Variants in TMCO1 observed in about 807,000 individuals in gnomAD.
TMCO1 encodes the protein transmembrane and coiled-coil domains 1, also known as calcium load-activated calcium channel.
In TMCO1, 29 loss-of-function variants were observed where a neutral mutation model predicts 29.3. The ratio of observed to expected loss-of-function variants is 0.99; its 90% CI spans 0.74 to 1.35. The LOEUF (loss-of-function observed/expected upper bound fraction) is 1.35. Among genes scored for constraint, TMCO1 ranks in the 40% most tolerant of loss-of-function variants. The probability of loss-of-function intolerance (pLI) is 0.00; values close to 1 mark genes in which losing one functional copy is unlikely to be tolerated. For synonymous variants in TMCO1, 80 were observed against 77.1 expected (o/e 1.04, Z -0.20); for missense variants, 173 against 225.5 (o/e 0.77, Z 1.49).
At chr1:165,765,235 G>A (rs1652525588) in intron 2 of TMCO1, among the ~76,000 whole-genome samples, 1 of 152,152 alleles carries the variant, frequency 6.6e-6, no homozygotes, top group African/African-American at 2.4e-5. Flanking sequence ...AAATAGAACA[G>A]GGTAAGGAAT....
At chr1:165,766,419 GA>G (rs1420454367) in intron 2 of TMCO1, among the ~76,000 whole-genome samples, 1 of 152,144 alleles carries the variant, frequency 6.6e-6, no homozygotes, top group Non-Finnish European at 1.5e-5. Flanking sequence ...TGAATGTAGA[GA>G]AAAAAACTAA....
intron 5 of TMCO1, 33 bp downstream of exon 5, chr1:165,752,068 GT>G (rs1652012771): frequency 4.0e-6 from 6 of 1,495,274 alleles, no homozygotes; most frequent in Non-Finnish European, 5.6e-6. Context: ...TAGAGTAATA[GT>G]TATTAGTCAA....
intron 2 of TMCO1, among the ~76,000 whole-genome samples, chr1:165,762,909 A>G (rs1652445726): frequency 6.6e-6 from 1 of 152,216 alleles, no homozygotes; most frequent in South Asian, 2.1e-4. Context: ...GTATCCTTTC[A>G]TTAGTATATA....
chr1:165,768,163 A>C, intron 2 of TMCO1, 29 bp downstream of exon 2: 1 of 1,567,204 alleles, frequency 6.4e-7, no homozygotes, highest in Non-Finnish European at 8.8e-7. Context: ...GACGTGTTGA[A>C]ATTATTTCTA....
rs973783511 is a variant in TMCO1, at chr1:165,727,151, G to A, written c.*872C>T. 1.3e-5 allele frequency: 6 copies of A among 453,942 alleles called. No individual in the cohort carries two copies. Among genetic ancestry groups the A allele is most frequent in the African/African-American group, 1.2e-4 (6 of 49,998 alleles). The allele number at this position is 453,942 out of a possible 1,614,324, so 28.1% of individuals were successfully genotyped here. ...AAAATGAAGGCTATTGTGACTAAAA[G>A]GAAGCTCTGCGAGATTAACAACATA... On this transcript the variant is annotated 3_prime_UTR_variant, in exon 7 of 7. Coordinates refer to ENST00000367881, the MANE Select transcript of TMCO1 (RefSeq NM_019026.6).
downstream of TMCO1, chr1:165,724,947 G>A (rs761613550): frequency 1.6e-4 from 73 of 450,290 alleles, no homozygotes; most frequent in Non-Finnish European, 2.7e-4. Flanking sequence ...AATTGTCGAA[G>A]GTGGAGGATG....
intron 4 of TMCO1, 30 bp from the exon 5 acceptor site, chr1:165,752,199 A>C (rs371040741): frequency 3.8e-6 from 6 of 1,578,580 alleles, no homozygotes; most frequent in Non-Finnish European, 5.2e-6. Context: ...TTGTCATTTT[A>C]CACTAAAAAA....
intron 4 of TMCO1, 22 bp downstream of exon 4, chr1:165,754,206 A>G (rs761597610): frequency 1.4e-5 from 23 of 1,594,820 alleles, no homozygotes; most frequent in Admixed American, 3.3e-5. Flanking sequence ...GTTAACCATG[A>G]AGTTATAGTT....
Position 165,727,476 on chromosome 1 carries a change from C to T in TMCO1, c.*547G>A. Reference sequence around the variant, plus strand: ...CTTAAAAACTTTTATTTTAGTCCTTCCTGGCCCATGCTAAAACTTATATCT... The same window carrying T: ...CTTAAAAACTTTTATTTTAGTCCTTTCTGGCCCATGCTAAAACTTATATCT... On this transcript the variant is annotated 3_prime_UTR_variant, in exon 7 of 7. Transcript: ENST00000367881. 1 of 453,890 alleles carries T rather than the reference C, an allele frequency of 2.2e-6. No homozygotes were observed. The highest frequency in any genetic ancestry group is 4.4e-6 in the Non-Finnish European group (1 of 226,752). 28.1% of individuals were successfully genotyped at this position (453,890 alleles called of 1,614,324 possible).
chr1:165,724,504 C>A (rs1402028419), downstream of TMCO1: 2 of 454,066 alleles, frequency 4.4e-6, no homozygotes, highest in South Asian at 3.1e-5. Context: ...AACCCCAAAC[C>A]TGCAGCTTCA....
intron 4 of TMCO1, among the ~76,000 whole-genome samples, chr1:165,753,677 G>A (rs1360494052): frequency 6.6e-6 from 1 of 151,896 alleles, no homozygotes; most frequent in Non-Finnish European, 1.5e-5. Flanking sequence ...AGCCGGGCGT[G>A]GTGTACTCCT....
intron 3 of TMCO1, among the ~76,000 whole-genome samples, chr1:165,756,139 C>T (rs1211510435): frequency 1.3e-5 from 2 of 151,936 alleles, no homozygotes; most frequent in African/African-American, 4.8e-5. Context: ...TAGAACCCTT[C>T]ATTTTTCACA....
At chr1:165,754,022 A>C (rs191990873) in intron 4 of TMCO1, among the ~76,000 whole-genome samples, 155 of 152,314 alleles carry the variant, frequency 1.0e-3, no homozygotes, top group Non-Finnish European at 2.6e-4. Flanking sequence ...GAGACAGTCT[A>C]AAAAAGCTAT....
downstream of TMCO1, chr1:165,725,331 C>G (rs1281918336): frequency 4.4e-6 from 2 of 453,856 alleles, no homozygotes; most frequent in Admixed American, 4.7e-5. Flanking sequence ...AAGTAACTGG[C>G]CCCATTGGAG....
intron 6 of TMCO1, among the ~76,000 whole-genome samples, chr1:165,730,141 GAAACCCC>G: frequency 1.6e-5 from 2 of 123,680 alleles, no homozygotes; most frequent in Non-Finnish European, 3.3e-5. Context: ...CTAACACGGT[GAAACCCC>G]GTCTGTACTA....
At chr1:165,734,272 CT>C (rs1285380706) in intron 6 of TMCO1, among the ~76,000 whole-genome samples, 3 of 151,818 alleles carry the variant, frequency 2.0e-5, no homozygotes, top group Non-Finnish European at 4.4e-5. Context: ...CTAAAAAAAC[CT>C]TATCGTACAA....
At chr1:165,765,456 G>A (rs61131936) in intron 2 of TMCO1, among the ~76,000 whole-genome samples, 2,022 of 152,190 alleles carry the variant, frequency 0.013, 53 homozygotes, top group African/African-American at 0.047. Context: ...GCTAATTTTT[G>A]TATTTTTAGT....
chr1:165,750,214 C>T (rs1168964313), intron 5 of TMCO1, among the ~76,000 whole-genome samples: 1 of 152,026 alleles, frequency 6.6e-6, no homozygotes, highest in Non-Finnish European at 1.5e-5. Flanking sequence ...TCTAAAAATT[C>T]TTTATGATGA....
upstream of TMCO1, chr1:165,768,883 C>A: frequency 6.4e-7 from 1 of 1,553,512 alleles, no homozygotes; most frequent in East Asian, 2.4e-5. Flanking sequence ...GCCCGAAGAT[C>A]GCACTTCCGC....
Sources: allele counts gnomAD v4.1 joint callset (sites outside exome capture counted in the v4.1 genomes callset), GRCh38; gene constraint gnomAD v4.1.1; transcripts MANE v1.5; gene names NCBI Gene and HGNC (gene_info 2026-07-23, HGNC 2026-07-21).